Variants in SHANK2 observed in about 807,000 individuals in gnomAD.
The protein encoded by SHANK2 is SH3 and multiple ankyrin repeat domains 2.
Under a neutral mutation model 133.7 loss-of-function variants are expected in SHANK2, and 43 were observed. The observed-to-expected ratio is 0.32, with a 90% CI of 0.25 to 0.41. The LOEUF (loss-of-function observed/expected upper bound fraction) is 0.41. SHANK2 is among the 10% of genes least tolerant of loss of function. SHANK2 has a pLI of 1.00. For missense variants in SHANK2, 1,994 were observed against 2,235.8 expected (o/e 0.89, Z 2.18); for synonymous variants, 1,017 against 952.8 (o/e 1.07, Z -1.24).
At chr11:71,160,001 A>G (rs2135460358) in intron 2 of SHANK2, among the ~76,000 whole-genome samples, 1 of 151,826 alleles carries the variant, frequency 6.6e-6, no homozygotes, top group African/African-American at 2.4e-5. Context: ...GACACCTGAA[A>G]GGGACCTTTA....
chr11:71,133,540 GGATA>G (rs1952375805), intron 3 of SHANK2, among the ~76,000 whole-genome samples: 3 of 151,794 alleles, frequency 2.0e-5, no homozygotes, highest in South Asian at 4.2e-4. Context: ...CTGGCTGGAT[GGATA>G]GATAGACGGA....
intron 10 of SHANK2, among the ~76,000 whole-genome samples, 177 bp downstream of exon 10, chr11:71,056,304 C>T (rs926773873): frequency 1.4e-4 from 21 of 152,156 alleles, no homozygotes; most frequent in Non-Finnish European, 2.1e-4. Context: ...CACACTGAGA[C>T]GGGGCAGCAG....
intron 10 of SHANK2, among the ~76,000 whole-genome samples, chr11:70,939,757 G>C (rs1555084033): frequency 6.6e-6 from 1 of 152,130 alleles, no homozygotes; most frequent in Non-Finnish European, 1.5e-5. Context: ...CCTCTCTTTA[G>C]AGGTAGGCAG....
intron 12 of SHANK2, among the ~76,000 whole-genome samples, chr11:70,809,795 C>T (rs1185837236): frequency 3.3e-5 from 5 of 152,192 alleles, no homozygotes; most frequent in African/African-American, 1.2e-4. Flanking sequence ...GTCTTGGATG[C>T]TTACCTGGGC....
chr11:71,208,264 A>T (rs1286310777), intron 2 of SHANK2, among the ~76,000 whole-genome samples: 1 of 151,944 alleles, frequency 6.6e-6, no homozygotes, highest in Non-Finnish European at 1.5e-5. Context: ...CAGGGCAGGG[A>T]GAAGCTGTCC....
intron 17 of SHANK2, among the ~76,000 whole-genome samples, chr11:70,546,097 ATTTT>A (rs57144719): frequency 5.8e-5 from 8 of 137,562 alleles, no homozygotes; most frequent in South Asian, 2.2e-4. Context: ...TATTTATTTA[ATTTT>A]TTTTTTTTTT....
chr11:70,802,474 AGG>A (rs1948067618), intron 13 of SHANK2, among the ~76,000 whole-genome samples: 1 of 152,182 alleles, frequency 6.6e-6, no homozygotes, highest in South Asian at 2.1e-4. Flanking sequence ...GAAACCTGCC[AGG>A]TCACTGCGGA....
intron 2 of SHANK2, among the ~76,000 whole-genome samples, chr11:71,214,754 C>T (rs537155065): frequency 7.9e-5 from 12 of 152,242 alleles, no homozygotes; most frequent in East Asian, 3.9e-4. Context: ...GGTGGGGTAT[C>T]GCGCAGTTCT....
intron 11 of SHANK2, among the ~76,000 whole-genome samples, chr11:70,822,577 C>A (rs553886021): frequency 6.3e-5 from 9 of 143,280 alleles, no homozygotes; most frequent in Admixed American, 1.4e-4. Flanking sequence ...GTGGCGCTGG[C>A]AGAGTTCACG....
chr11:70,886,052 T>C (rs1266252645), intron 11 of SHANK2, among the ~76,000 whole-genome samples: 2 of 152,102 alleles, frequency 1.3e-5, no homozygotes, highest in African/African-American at 4.8e-5. Context: ...GAGCTGGTTA[T>C]GTCCGGATGA....
chr11:70,653,450 A>G (rs2061363497), intron 17 of SHANK2, among the ~76,000 whole-genome samples: 1 of 148,680 alleles, frequency 6.7e-6, no homozygotes, highest in Non-Finnish European at 1.5e-5. Context: ...AGAAACATAT[A>G]TATTTTTTTC....
rs568960077 is a variant in SHANK2, at chr11:70,803,089, T to C, written c.1663+3913A>G. ...AGCCGAATCCTGAAGGAGGAGCTGA[T>C]GGGAAGACACAGGGATAGCTGCTGT... is the stretch of plus-strand genomic sequence containing the variant. On this transcript the variant is annotated intron_variant, in intron 13 of 25. Coordinates refer to ENST00000601538, the MANE Select transcript of SHANK2 (RefSeq NM_012309.5). Among the ~76,000 whole-genome samples, 8 of 152,132 alleles carry C rather than the reference T, an allele frequency of 5.3e-5. No homozygotes were observed. In the South Asian group the frequency reaches 1.5e-3, roughly 28 times the overall value.
intron 15 of SHANK2, among the ~76,000 whole-genome samples, chr11:70,692,901 T>G (rs969946227): frequency 6.6e-6 from 1 of 152,214 alleles, no homozygotes; most frequent in Non-Finnish European, 1.5e-5. Context: ...AAAAAACAGA[T>G]GCTCAGCACC....
intron 17 of SHANK2, among the ~76,000 whole-genome samples, chr11:70,627,246 C>T (rs1323258306): frequency 6.6e-6 from 1 of 152,188 alleles, no homozygotes; most frequent in Non-Finnish European, 1.5e-5. Context: ...CCAAGTGAGC[C>T]GGCGGCTGCA....
chr11:70,910,425 G>A lies in SHANK2; in HGVS notation c.1108-13858C>T, dbSNP rs577178360. On this transcript the variant is annotated intron_variant, in intron 10 of 25. Coordinates refer to ENST00000601538, the MANE Select transcript of SHANK2 (RefSeq NM_012309.5). ...GGAAGAGGCTACCGCACACTCGATTGTCACAGATGGACACACAGGAGCAGA... is the reference window on the plus strand; with the variant it reads ...GGAAGAGGCTACCGCACACTCGATTATCACAGATGGACACACAGGAGCAGA... Among the ~76,000 whole-genome samples, 3 of 152,300 alleles carry A rather than the reference G, an allele frequency of 2.0e-5. No homozygotes were observed. The East Asian group carries it at 5.8e-4, about 29-fold the overall frequency.
At chr11:70,524,665 A>G (rs1223190868) in intron 17 of SHANK2, among the ~76,000 whole-genome samples, 4 of 152,184 alleles carry the variant, frequency 2.6e-5, no homozygotes, top group Non-Finnish European at 5.9e-5. Context: ...TGTCCACGAT[A>G]CTGATGACAT....
intron 10 of SHANK2, among the ~76,000 whole-genome samples, chr11:70,906,326 A>G (rs1467281351): frequency 1.3e-5 from 2 of 152,022 alleles, no homozygotes; most frequent in African/African-American, 4.8e-5. Flanking sequence ...TCAGGTGGCC[A>G]GGGCCCTGGA....
intron 14 of SHANK2, among the ~76,000 whole-genome samples, chr11:70,746,663 G>A (rs1192368729): frequency 6.6e-6 from 1 of 152,182 alleles, no homozygotes; most frequent in Non-Finnish European, 1.5e-5. Context: ...AGGAGGGGCC[G>A]ATGGGAGCCT....
chr11:70,951,466 TCC>T (rs1950840013), intron 10 of SHANK2, among the ~76,000 whole-genome samples: 1 of 134,852 alleles, frequency 7.4e-6, no homozygotes, highest in African/African-American at 3.4e-5. Context: ...TAAATTCATT[TCC>T]CCTGGTTGCT....
Sources: gnomAD v4.1 joint callset for allele counts (sites outside exome capture counted in the v4.1 genomes callset) on GRCh38, gnomAD v4.1.1 for gene constraint, MANE v1.5 for transcripts, NCBI Gene and HGNC (gene_info 2026-07-23, HGNC 2026-07-21) for gene names.